GRIA1: variants seen among roughly 807,000 people sequenced by gnomAD.
GRIA1 encodes glutamate receptor 1.
GRIA1 carries 31 observed loss-of-function variants against 99.2 expected under a neutral mutation model. That is an observed-to-expected ratio of 0.31 (90% CI 0.23 to 0.42). The LOEUF is 0.42. GRIA1 is among the 10% of genes least tolerant of loss of function. The pLI is 1.00. For synonymous variants in GRIA1, 438 were observed against 432.4 expected (o/e 1.01, Z -0.16); for missense variants, 782 against 1,157.5 (o/e 0.68, Z 4.71).
At chr5:153,658,019 T>A (rs896646653) in intron 5 of GRIA1, among the ~76,000 whole-genome samples, 1 of 152,078 alleles carries the variant, frequency 6.6e-6, no homozygotes, top group African/African-American at 2.4e-5. Flanking sequence ...CAACTCCACT[T>A]AAACCTCACT....
intron 14 of GRIA1, among the ~76,000 whole-genome samples, chr5:153,797,518 T>C (rs911246530): frequency 6.6e-6 from 1 of 152,216 alleles, no homozygotes; most frequent in Non-Finnish European, 1.5e-5. Flanking sequence ...CACCAATGCA[T>C]AGTCCAAGCA....
At chr5:153,643,970 T>C (rs2149449773) in intron 2 of GRIA1, among the ~76,000 whole-genome samples, 1 of 152,268 alleles carries the variant, frequency 6.6e-6, no homozygotes, top group East Asian at 1.9e-4. Flanking sequence ...ACTAAATGTG[T>C]GAAACCAAGT....
At chr5:153,724,666 A>G (rs1253768827) in intron 11 of GRIA1, among the ~76,000 whole-genome samples, 2 of 152,228 alleles carry the variant, frequency 1.3e-5, no homozygotes, top group Admixed American at 1.3e-4. Context: ...GATGAAATGA[A>G]TGAAATGAAG....
intron 11 of GRIA1, among the ~76,000 whole-genome samples, chr5:153,722,343 T>A (rs1354232184): frequency 6.6e-6 from 1 of 152,198 alleles, no homozygotes; most frequent in Admixed American, 6.5e-5. Flanking sequence ...TTCACAAGAT[T>A]TTTTCTTTAT....
At chr5:153,660,568 A>G (rs1755294344) in intron 5 of GRIA1, among the ~76,000 whole-genome samples, 1 of 152,178 alleles carries the variant, frequency 6.6e-6, no homozygotes, top group African/African-American at 2.4e-5. Context: ...CCTGGACAAG[A>G]CAGCTTGAGT....
chr5:153,574,996 CA>C (rs1437580368), intron 2 of GRIA1, among the ~76,000 whole-genome samples: 4 of 152,080 alleles, frequency 2.6e-5, no homozygotes, highest in Admixed American at 1.3e-4. Context: ...GTGCTGTGCT[CA>C]AATGCCTGAC....
chr5:153,536,075 G>C (rs1414748272), intron 2 of GRIA1, among the ~76,000 whole-genome samples: 1 of 152,150 alleles, frequency 6.6e-6, no homozygotes, highest in African/African-American at 2.4e-5. Flanking sequence ...TCCGTAGTGT[G>C]ATATTGAAGG....
chr5:153,795,323 T>C (rs1444305472), intron 14 of GRIA1, among the ~76,000 whole-genome samples: 2 of 152,064 alleles, frequency 1.3e-5, no homozygotes, highest in Non-Finnish European at 2.9e-5. Flanking sequence ...GGCAGTGACA[T>C]GGTGGGGCGG....
chr5:153,680,444 T>C (rs1335288010), intron 7 of GRIA1, among the ~76,000 whole-genome samples: 1 of 152,112 alleles, frequency 6.6e-6, no homozygotes, highest in African/African-American at 2.4e-5. Flanking sequence ...GGGGAGGTAA[T>C]AGGCATTTGA....
At chr5:153,655,450 C>A (rs1289169047) in intron 4 of GRIA1, among the ~76,000 whole-genome samples, 1 of 152,184 alleles carries the variant, frequency 6.6e-6, no homozygotes, top group Non-Finnish European at 1.5e-5. Context: ...AAAGAAGAAT[C>A]TCCACATACA....
chr5:153,731,633 A>T (rs1761034595), intron 11 of GRIA1, among the ~76,000 whole-genome samples: 1 of 152,094 alleles, frequency 6.6e-6, no homozygotes, highest in Admixed American at 6.6e-5. Flanking sequence ...AATTATATAT[A>T]TTTAAGGTAT....
intron 15 of GRIA1, among the ~76,000 whole-genome samples, chr5:153,810,526 TATA>T (rs768773802): frequency 2.0e-5 from 3 of 152,220 alleles, no homozygotes; most frequent in Non-Finnish European, 4.4e-5. Flanking sequence ...CCATTCTTGC[TATA>T]ATAACAGTGT....
At chr5:153,738,373 A>G (rs993833202) in intron 11 of GRIA1, among the ~76,000 whole-genome samples, 1 of 152,122 alleles carries the variant, frequency 6.6e-6, no homozygotes, top group Admixed American at 6.5e-5. Flanking sequence ...TGAACTCTGG[A>G]CACAGACTGT....
At chr5:153,742,214 G>A (rs1448534341) in intron 11 of GRIA1, among the ~76,000 whole-genome samples, 5 of 152,182 alleles carry the variant, frequency 3.3e-5, no homozygotes, top group African/African-American at 1.2e-4. Flanking sequence ...GAGGAAGAAT[G>A]TCTAAAGGCA....
intron 13 of GRIA1, among the ~76,000 whole-genome samples, chr5:153,789,017 C>T (rs1378018515): frequency 1.3e-5 from 2 of 152,194 alleles, no homozygotes; most frequent in Non-Finnish European, 2.9e-5. Flanking sequence ...TCATAGTTCT[C>T]CTCCTTAGGA....
At position 153,650,488 on chromosome 5, in the gene GRIA1, G is replaced by T. The variant is rs780843156; in HGVS notation, c.619G>T (p.Glu207Ter). The T allele has an allele frequency of 5.6e-6, 9 of 1,613,744 alleles. No individual in the cohort carries two copies. The Admixed American group carries it at 1.5e-4, about 27-fold the overall frequency. ...GCTGGTGGTGGTGGACTGTGAATCA[G>T]AACGCCTCAATGCTATCTTGGGCCA... is the stretch of plus-strand genomic sequence containing the variant. Reference protein sequence around the residue: ...ERLVVVDCESERLNAILGQII... With the variant: ...ERLVVVDCES The change falls in exon 4 of 16, where the codon GAA becomes TAA. Residue 207 changes from glutamate (E) to a stop codon, truncating the protein, a stop_gained. Transcript: ENST00000285900. LOFTEE classifies it high-confidence loss of function.
chr5:153,642,061 A>C (rs564292530), intron 2 of GRIA1, among the ~76,000 whole-genome samples: 1 of 152,248 alleles, frequency 6.6e-6, no homozygotes, highest in Non-Finnish European at 1.5e-5. Flanking sequence ...GGGATGAGAC[A>C]GGAATACATC....
At chr5:153,517,597 AC>A (rs2113351563) in intron 2 of GRIA1, among the ~76,000 whole-genome samples, 1 of 152,314 alleles carries the variant, frequency 6.6e-6, no homozygotes, top group South Asian at 2.1e-4. Flanking sequence ...AGATGCGTTC[AC>A]TAATCCCACA....
At chr5:153,766,551 T>C (rs910607091) in intron 12 of GRIA1, among the ~76,000 whole-genome samples, 2 of 152,186 alleles carry the variant, frequency 1.3e-5, no homozygotes, top group African/African-American at 2.4e-5. Flanking sequence ...GGATAAGAAA[T>C]TAAAACTTGG....
Sources: allele counts gnomAD v4.1 joint callset (sites outside exome capture counted in the v4.1 genomes callset), GRCh38; gene constraint gnomAD v4.1.1; transcripts MANE v1.5; gene names NCBI Gene and HGNC (gene_info 2026-07-23, HGNC 2026-07-21).